RBM6: variants seen among roughly 807,000 people sequenced by gnomAD.
RBM6 encodes the protein RNA-binding protein 6.
A neutral mutation model predicts 140.4 loss-of-function variants in RBM6; 23 were observed. The observed-to-expected ratio is 0.16, with a 90% CI of 0.12 to 0.23. RBM6 has a LOEUF of 0.23. RBM6 is among the 10% of genes least tolerant of loss of function. RBM6 has a pLI of 1.00. For missense variants in RBM6, 1,139 were observed against 1,386.7 expected, an observed-to-expected ratio of 0.82 and a Z score of 2.84; for synonymous variants, 439 against 475.6, an observed-to-expected ratio of 0.92 and a Z score of 1.00.
chr3:49,967,616 C>T lies in RBM6; in HGVS notation c.191C>T (p.Pro64Leu). 6.2e-7 allele frequency: 1 copy of T among 1,614,082 alleles called. No homozygotes were observed. The highest frequency in any genetic ancestry group is 8.5e-7 in the Non-Finnish European group (1 of 1,180,034). ...PFDFQGHSGP[P>L]FANVEEHSFS... ...GATTTCCAGGGGCATTCGGGGCCTC[C>T]TTTTGCAAATGTAGAGGAGCATTCT... Residue 64 changes from proline to leucine, a missense_variant, in exon 3 of 21, where the codon CCT becomes CTT. Transcript: ENST00000266022. This position sits in a 1 kb window ranked among gnomAD's most constrained non-coding sequence, Gnocchi z 4.0.
chr3:49,996,390 T>C (rs2086088771), intron 5 of RBM6, among the ~76,000 whole-genome samples: 1 of 152,222 alleles, frequency 6.6e-6, no homozygotes, highest in Non-Finnish European at 1.5e-5. Flanking sequence ...ATGCTGACTT[T>C]TGTCTCTAAC....
At chr3:49,980,470 G>A (rs1003720941) in intron 5 of RBM6, among the ~76,000 whole-genome samples, 1 of 151,838 alleles carries the variant, frequency 6.6e-6, no homozygotes, top group Non-Finnish European at 1.5e-5. Context: ...ATTAATAGTT[G>A]AATCTGGGGC....
chr3:50,022,221 A>T (rs1348450696), intron 6 of RBM6, among the ~76,000 whole-genome samples: 1 of 152,180 alleles, frequency 6.6e-6, no homozygotes, highest in Non-Finnish European at 1.5e-5. Flanking sequence ...TGTATTGGGT[A>T]GTAGTACATG....
At chr3:49,954,492 G>A (rs1259294090) in intron 1 of RBM6, among the ~76,000 whole-genome samples, 1 of 151,648 alleles carries the variant, frequency 6.6e-6, no homozygotes, top group African/African-American at 2.4e-5. Flanking sequence ...ATTTGCCCAG[G>A]ATGGTCTGAA....
chr3:50,060,753 C>CA (rs35467618), intron 11 of RBM6: 46,342 of 123,846 alleles, frequency 0.37, 7,718 homozygotes, highest in South Asian at 0.52. Context: ...GACTCCGTCT[C>CA]AAAAAAAAAA....
At chr3:49,941,639 T>TAAAAAAAAAAAAA (rs2083282008) in intron 1 of RBM6, among the ~76,000 whole-genome samples, 1 of 16,784 alleles carries the variant, frequency 6.0e-5, no homozygotes, top group African/African-American at 4.5e-4. Flanking sequence ...AAACTCTGTC[T>TAAAAAAAAAAAAA]CAAAAAAAAA....
chr3:49,949,983 A>G (rs1012696403), intron 1 of RBM6, among the ~76,000 whole-genome samples: 10 of 152,102 alleles, frequency 6.6e-5, no homozygotes, highest in East Asian at 1.9e-4. Flanking sequence ...TCCGCCTCCT[A>G]AAGTGCTGAG....
rs2089603957 is a variant in RBM6, at chr3:50,054,150, A to G, written c.1633-185A>G. The G allele has an allele frequency of 2.0e-5, 11 of 554,486 alleles. No homozygotes were observed. The South Asian group carries it at 2.8e-4, about 14-fold the overall frequency. 34.3% of individuals were successfully genotyped at this position (554,486 alleles called of 1,614,324 possible). ...TGCCTTGTTATAAGGTAGCTCTCAA[A>G]CAGTAGCTCATCAGATCCCATCTGC... On this transcript the variant is annotated intron_variant, in intron 7 of 20. Coordinates refer to ENST00000266022, the MANE Select transcript of RBM6 (RefSeq NM_005777.3).
chr3:50,058,802 G>C (rs2089821273), intron 10 of RBM6: 1 of 280,754 alleles, frequency 3.6e-6, no homozygotes, highest in Admixed American at 4.4e-5. Context: ...TGTAGTCGCA[G>C]CTACTCGGGA....
In RBM6 at chr3:49,967,256, C is replaced by G. The variant is rs2084552746; in HGVS notation, c.45-214C>G. ...TTGAAAACCTTGTGTTGACTTTCCT[C>G]GTGTTCTGAAATGGGAGCATAAAAG... On this transcript the variant is annotated intron_variant, in intron 2 of 20. Coordinates refer to ENST00000266022, the MANE Select transcript of RBM6 (RefSeq NM_005777.3). The surrounding 1 kb of genome is among the most constrained non-coding windows in gnomAD (Gnocchi z 4.0). The G allele has an allele frequency of 9.8e-6, 13 of 1,330,358 alleles. No individual in the cohort carries two copies. Among genetic ancestry groups the G allele is most frequent in the African/African-American group, 1.5e-5 (1 of 68,488 alleles). 82.4% of individuals were successfully genotyped at this position (1,330,358 alleles called of 1,614,324 possible). A position where few individuals can be genotyped will look rare whatever the true frequency, so the allele number is the denominator to read the frequency against.
chr3:49,962,585 T>C lies in RBM6; in HGVS notation c.-57T>C. 4 of 1,498,328 alleles carry C rather than the reference T, an allele frequency of 2.7e-6. No individual in the cohort carries two copies. Among genetic ancestry groups the C allele is most frequent in the Admixed American group, 4.1e-5 (2 of 49,234 alleles). The allele number at this position is 1,498,328 out of a possible 1,614,324, so 92.8% of individuals were successfully genotyped here. On this transcript the variant is annotated 5_prime_UTR_variant, in exon 2 of 21. Coordinates refer to ENST00000266022, the MANE Select transcript of RBM6 (RefSeq NM_005777.3). ...GGTTTATTTTGTACAGGTACTGCTA[T>C]AACCAGAATTTGGTAGAAAAAGGAT... is the stretch of plus-strand genomic sequence containing the variant.
chr3:50,058,826 G>A (rs535071915), intron 10 of RBM6: 2 of 235,842 alleles, frequency 8.5e-6, no homozygotes, highest in African/African-American at 4.4e-5. Context: ...TGAGGCAGGA[G>A]AATGGCGTGA....
chr3:50,059,519 A>G, intron 10 of RBM6, 130 bp from the exon 11 acceptor site: 2 of 671,498 alleles, frequency 3.0e-6, no homozygotes, highest in East Asian at 6.0e-5. Context: ...AAATTTTGAC[A>G]GAATATAATG....
At chr3:50,042,738 A>C (rs2088997967) in intron 6 of RBM6, among the ~76,000 whole-genome samples, 1 of 151,328 alleles carries the variant, frequency 6.6e-6, no homozygotes, top group Non-Finnish European at 1.5e-5. Context: ...CAGAAGCGAG[A>C]CCCTGTCTTT....
chr3:50,012,970 C>T (rs376129740), intron 6 of RBM6, among the ~76,000 whole-genome samples: 3 of 151,358 alleles, frequency 2.0e-5, no homozygotes, highest in South Asian at 2.1e-4. Flanking sequence ...ATTGAACTCC[C>T]GACCTCAGGT....
intron 19 of RBM6, among the ~76,000 whole-genome samples, chr3:50,072,716 G>C (rs1204891358): frequency 6.6e-6 from 1 of 152,140 alleles, no homozygotes; most frequent in African/African-American, 2.4e-5. Context: ...AGTTGTTACA[G>C]TGGGACCATT....
chr3:50,047,185 G>T, intron 6 of RBM6: 1 of 984,970 alleles, frequency 1.0e-6, no homozygotes, highest in Non-Finnish European at 1.2e-6. Context: ...TTTGACAGAT[G>T]TATGGATTCA....
At chr3:50,064,585 C>T (rs534870028) in intron 15 of RBM6, among the ~76,000 whole-genome samples, 4 of 152,224 alleles carry the variant, frequency 2.6e-5, no homozygotes, top group African/African-American at 9.6e-5. Flanking sequence ...GATCTCGGCT[C>T]ACTGCAACCT....
chr3:50,000,104 C>T (rs2108737990), intron 6 of RBM6, among the ~76,000 whole-genome samples: 1 of 152,274 alleles, frequency 6.6e-6, no homozygotes, highest in South Asian at 2.1e-4. Flanking sequence ...GCTGGTGAAT[C>T]AGAATCTGTA....
Sources: gnomAD v4.1 joint callset for allele counts (sites outside exome capture counted in the v4.1 genomes callset) on GRCh38, gnomAD v4.1.1 for gene constraint, Gnocchi (gnomAD v3.1) non-coding constraint, MANE v1.5 for transcripts, NCBI Gene and HGNC (gene_info 2026-07-23, HGNC 2026-07-21) for gene names.